The following APLF variants were observed in gnomAD, a reference collection of about 807,000 sequenced individuals.
APLF encodes the protein aprataxin and PNK-like factor.
Under a neutral mutation model 55.6 loss-of-function variants are expected in APLF, and 61 were observed. That is an observed-to-expected ratio of 1.10 (90% CI 0.89 to 1.36). The LOEUF (loss-of-function observed/expected upper bound fraction) is 1.36. Among genes scored for constraint, APLF ranks in the 40% most tolerant of loss-of-function variants. The pLI, the probability that APLF is intolerant of heterozygous loss-of-function variation, is 0.00. For synonymous variants in APLF, 207 were observed against 214.8 expected, an observed-to-expected ratio of 0.96 and a Z score of 0.32; for missense variants, 611 against 602.5, an observed-to-expected ratio of 1.01 and a Z score of -0.15.
intron 3 of APLF, among the ~76,000 whole-genome samples, chr2:68,508,221 A>G (rs1364540725): frequency 5.3e-5 from 8 of 151,868 alleles, no homozygotes; most frequent in African/African-American, 9.7e-5. Flanking sequence ...AAAACCTACT[A>G]TGAAGCTACA....
chr2:68,491,809 C>G (rs1330195562), intron 2 of APLF, among the ~76,000 whole-genome samples: 2 of 152,182 alleles, frequency 1.3e-5, no homozygotes, highest in Admixed American at 6.5e-5. Flanking sequence ...TCTCCAGTGT[C>G]TGCTCTGCCA....
At chr2:68,477,003 T>G (rs917934934) in intron 1 of APLF, among the ~76,000 whole-genome samples, 3 of 152,196 alleles carry the variant, frequency 2.0e-5, no homozygotes, top group East Asian at 3.8e-4. Flanking sequence ...TAAAAAGATA[T>G]GTCATGAATA....
At chr2:68,512,873 A>G (rs1669429379) in intron 3 of APLF, among the ~76,000 whole-genome samples, 1 of 151,694 alleles carries the variant, frequency 6.6e-6, no homozygotes, top group African/African-American at 2.4e-5. Flanking sequence ...TTCTAGGCCC[A>G]TGATTTGGAA....
At chr2:68,577,309 T>G (rs1174337966) in intron 9 of APLF, among the ~76,000 whole-genome samples, 1 of 152,186 alleles carries the variant, frequency 6.6e-6, no homozygotes, top group Non-Finnish European at 1.5e-5. Flanking sequence ...GCCATGTGTA[T>G]TCTCATCTTG....
chr2:68,538,650 T>A (rs1337365429), intron 7 of APLF, among the ~76,000 whole-genome samples: 3 of 152,202 alleles, frequency 2.0e-5, no homozygotes, highest in Non-Finnish European at 4.4e-5. Flanking sequence ...CTTTGAATCA[T>A]CATGGTACCC....
At chr2:68,468,672 T>A (rs1467240070) in intron 1 of APLF, among the ~76,000 whole-genome samples, 1 of 152,220 alleles carries the variant, frequency 6.6e-6, no homozygotes, top group East Asian at 1.9e-4. Context: ...CTTAAGTACA[T>A]CTAGTTTTCT....
At chr2:68,471,578 A>G (rs1007497234) in intron 1 of APLF, among the ~76,000 whole-genome samples, 3 of 152,198 alleles carry the variant, frequency 2.0e-5, no homozygotes, top group South Asian at 2.1e-4. Flanking sequence ...CAACACAGGG[A>G]CAGTGATAAA....
At chr2:68,525,738 C>CTTTCTTTTTTTTTTT (rs1670021906) in intron 5 of APLF, among the ~76,000 whole-genome samples, 1 of 106,852 alleles carries the variant, frequency 9.4e-6, no homozygotes, top group African/African-American at 4.7e-5. Context: ...TATTTTCTTT[C>CTTTCTTTTTTTTTTT]TTTCTTTTTT....
chr2:68,570,969 CT>C (rs1671443472), intron 9 of APLF, among the ~76,000 whole-genome samples: 1 of 152,148 alleles, frequency 6.6e-6, no homozygotes, highest in South Asian at 2.1e-4. Flanking sequence ...TGTTTCCTGA[CT>C]TTTTTATGAT....
chr2:68,502,478 G>A (rs1676751654), intron 2 of APLF, among the ~76,000 whole-genome samples: 1 of 151,754 alleles, frequency 6.6e-6, no homozygotes, highest in African/African-American at 2.4e-5. Flanking sequence ...TGATAACTTT[G>A]CTTTTTTCCT....
At position 68,490,266 on chromosome 2, in the gene APLF, A is replaced by G. The variant is rs1676317662; in HGVS notation, c.168+5A>G. On this transcript the variant is annotated splice_donor_5th_base_variant and intron_variant, in intron 2 of 9. Coordinates refer to ENST00000303795, the MANE Select transcript of APLF (RefSeq NM_173545.3). ...GGTCAGCTGCGAATCAAACCGGTAA[A>G]TATGTTATTAATGATTCATTTTAAC... 1 of 1,609,010 alleles carries G rather than the reference A, an allele frequency of 6.2e-7. No homozygotes were observed.
intron 2 of APLF, among the ~76,000 whole-genome samples, chr2:68,499,280 G>C (rs1194040729): frequency 6.6e-6 from 1 of 152,086 alleles, no homozygotes; most frequent in African/African-American, 2.4e-5. Context: ...CTCTCATGTA[G>C]GTAGTTATAT....
chr2:68,538,249 ATTTAATTCCATTAT>A, intron 7 of APLF, 22 bp downstream of exon 7: 1 of 1,548,080 alleles, frequency 6.5e-7, no homozygotes, highest in Non-Finnish European at 8.7e-7. Flanking sequence ...TTACAGTAAC[ATTTAATTCCATTAT>A]TTTGATAGCG....
intron 1 of APLF, 33 bp from the exon 2 acceptor site, chr2:68,490,157 T>A: frequency 6.6e-7 from 1 of 1,511,038 alleles, no homozygotes; most frequent in South Asian, 1.3e-5. Context: ...AGGAGGTGGC[T>A]ATTCTTAATC....
chr2:68,468,529 A>G (rs1219349871), intron 1 of APLF, among the ~76,000 whole-genome samples: 2 of 152,218 alleles, frequency 1.3e-5, no homozygotes, highest in Non-Finnish European at 2.9e-5. Flanking sequence ...ATTGAGCCAT[A>G]CATACATTAT....
rs1218320752 is a variant in APLF, at chr2:68,502,877, T to A, written c.315T>A (p.Ser105=). ...KYIFRILSIP[S]EVEMQCTLRN... is the part of the protein sequence containing the mutation. ...TTTTCCGCATTCTCTCTATACCCTC[T>A]GAAGTGGAAATGCAATGTACCTTAA... Residue 105 remains serine, a synonymous_variant, in exon 3 of 10, where the codon TCT becomes TCA. Coordinates refer to ENST00000303795, the MANE Select transcript of APLF (RefSeq NM_173545.3). 1.2e-6 allele frequency: 2 copies of A among 1,604,532 alleles called. No homozygotes were observed. Among genetic ancestry groups the A allele is most frequent in the African/African-American group, 2.7e-5 (2 of 74,268 alleles).
At chr2:68,551,208 G>A (rs1375571393) in intron 8 of APLF, among the ~76,000 whole-genome samples, 1 of 151,926 alleles carries the variant, frequency 6.6e-6, no homozygotes, top group Admixed American at 6.6e-5. Context: ...AAACTCAGTT[G>A]TCTATATTAT....
chr2:68,533,562 T>A (rs1670314465), intron 6 of APLF, among the ~76,000 whole-genome samples: 1 of 152,172 alleles, frequency 6.6e-6, no homozygotes, highest in Non-Finnish European at 1.5e-5. Context: ...AATTCTTTTA[T>A]GACATGTTTT....
intron 8 of APLF, among the ~76,000 whole-genome samples, chr2:68,557,988 T>C (rs1045400887): frequency 2.6e-5 from 4 of 152,132 alleles, no homozygotes; most frequent in African/African-American, 9.7e-5. Flanking sequence ...AAGTAACTTA[T>C]CATCATTTGC....
Sources: gnomAD v4.1 joint callset for allele counts (sites outside exome capture counted in the v4.1 genomes callset) on GRCh38, gnomAD v4.1.1 for gene constraint, MANE v1.5 for transcripts, NCBI Gene and HGNC (gene_info 2026-07-23, HGNC 2026-07-21) for gene names.